Variants in CDH13 observed in about 807,000 individuals in gnomAD.
CDH13 encodes cadherin 13, also known as cadherin-13.
Under a neutral mutation model 63.8 loss-of-function variants are expected in CDH13, and 24 were observed. That is an observed-to-expected ratio of 0.38 (90% CI 0.27 to 0.53). The LOEUF is 0.53. Ranked by LOEUF, CDH13 falls within the 20% of genes least tolerant of loss-of-function variation. The probability of loss-of-function intolerance (pLI) is 0.85; values close to 1 mark genes in which losing one functional copy is unlikely to be tolerated. For synonymous variants in CDH13, 503 were observed against 355.3 expected (o/e 1.42, Z -4.67); for missense variants, 1,049 against 903.1 (o/e 1.16, Z -2.07).
At chr16:82,868,565 C>G (rs1567615489) in intron 2 of CDH13, among the ~76,000 whole-genome samples, 2 of 152,150 alleles carry the variant, frequency 1.3e-5, no homozygotes, top group African/African-American at 4.8e-5. Flanking sequence ...CAAGAAGTAA[C>G]AGAGTGAGAA....
intron 6 of CDH13, among the ~76,000 whole-genome samples, chr16:83,371,249 G>T (rs1402553082): frequency 1.3e-5 from 2 of 152,096 alleles, no homozygotes; most frequent in South Asian, 4.1e-4. Flanking sequence ...ATTTTCTGTT[G>T]ACTGCCCCAT....
intron 2 of CDH13, among the ~76,000 whole-genome samples, chr16:82,941,117 G>C (rs1034128650): frequency 5.9e-5 from 9 of 152,232 alleles, no homozygotes; most frequent in East Asian, 1.9e-4. Flanking sequence ...AAAGTGATCA[G>C]GAAGCTCTGA....
chr16:82,717,069 A>C (rs1186536034), intron 1 of CDH13, among the ~76,000 whole-genome samples: 2 of 152,076 alleles, frequency 1.3e-5, no homozygotes, highest in Non-Finnish European at 2.9e-5. Flanking sequence ...AGTTAGTCAC[A>C]CTTGGCTGCT....
At chr16:83,090,530 C>T (rs994311813) in intron 3 of CDH13, among the ~76,000 whole-genome samples, 3 of 147,702 alleles carry the variant, frequency 2.0e-5, no homozygotes, top group Non-Finnish European at 4.4e-5. Flanking sequence ...GTCGAGATCG[C>T]GTCATTGCAC....
chr16:82,806,491 TTTTTG>T (rs551257515), intron 1 of CDH13, among the ~76,000 whole-genome samples: 108 of 152,334 alleles, frequency 7.1e-4, no homozygotes, highest in African/African-American at 2.4e-3. Context: ...AGCTCTCTGT[TTTTTG>T]TTTTGTTTTG....
At chr16:83,188,683 A>G (rs2038602977) in intron 4 of CDH13, among the ~76,000 whole-genome samples, 1 of 152,230 alleles carries the variant, frequency 6.6e-6, no homozygotes, top group Non-Finnish European at 1.5e-5. Context: ...TTGTATCAGC[A>G]TGAATATTAT....
intron 7 of CDH13, among the ~76,000 whole-genome samples, chr16:83,512,321 A>AAAATAAATAAATAAATAAAT (rs200161148): frequency 3.2e-5 from 4 of 126,888 alleles, no homozygotes; most frequent in South Asian, 2.8e-4. Flanking sequence ...ACTCCGTCTC[A>AAAATAAATAAATAAATAAAT]AAATAAATAA....
At chr16:83,243,510 G>A (rs1904684895) in intron 5 of CDH13, among the ~76,000 whole-genome samples, 2 of 152,092 alleles carry the variant, frequency 1.3e-5, no homozygotes, top group African/African-American at 4.8e-5. Context: ...GTAATTGTGG[G>A]AGCTACATTT....
chr16:83,604,973 C>T (rs9934609), intron 8 of CDH13, among the ~76,000 whole-genome samples: 73,818 of 152,036 alleles, frequency 0.49, 20,592 homozygotes, highest in African/African-American at 0.78. Context: ...AACATGGACT[C>T]TAAAGGTTAG....
intron 1 of CDH13, among the ~76,000 whole-genome samples, chr16:82,814,288 T>C (rs185930665): frequency 2.9e-4 from 44 of 152,250 alleles, no homozygotes; most frequent in Admixed American, 2.8e-3. Context: ...GAGCATCTTT[T>C]GCTCTAATGA....
At chr16:83,753,395 T>G (rs1307034500) in intron 11 of CDH13, among the ~76,000 whole-genome samples, 3 of 152,028 alleles carry the variant, frequency 2.0e-5, no homozygotes, top group Non-Finnish European at 2.9e-5. Context: ...AATACAAAAA[T>G]TAGTCATGCA....
At chr16:83,723,588 C>G (rs925317288) in intron 10 of CDH13, among the ~76,000 whole-genome samples, 7 of 152,182 alleles carry the variant, frequency 4.6e-5, no homozygotes, top group African/African-American at 1.7e-4. Flanking sequence ...CTAAAGAAGC[C>G]CTCCTCAACT....
At chr16:83,278,256 C>G (rs17685278) in intron 5 of CDH13, among the ~76,000 whole-genome samples, 6,674 of 152,254 alleles carry the variant, frequency 0.044, 199 homozygotes, top group South Asian at 0.11. Context: ...ACTCCTTTAT[C>G]TCTCATTCCC....
chr16:83,497,930 G>A (rs2074186124), intron 7 of CDH13, among the ~76,000 whole-genome samples: 1 of 152,220 alleles, frequency 6.6e-6, no homozygotes, highest in Non-Finnish European at 1.5e-5. Context: ...CTAATCATGG[G>A]TGATGGGTCT....
At chr16:82,660,919 A>C (rs756487706) in intron 1 of CDH13, among the ~76,000 whole-genome samples, 6 of 151,502 alleles carry the variant, frequency 4.0e-5, no homozygotes, top group Non-Finnish European at 8.9e-5. Flanking sequence ...TTTAACATTC[A>C]TTAAGTTTCT....
intron 2 of CDH13, among the ~76,000 whole-genome samples, chr16:82,963,847 T>C (rs2151349136): frequency 6.6e-6 from 1 of 152,246 alleles, no homozygotes; most frequent in East Asian, 1.9e-4. Flanking sequence ...GCCCTCATAC[T>C]CATGATCCTA....
At chr16:83,357,658 G>A (rs773143319) in intron 6 of CDH13, among the ~76,000 whole-genome samples, 31 of 152,118 alleles carry the variant, frequency 2.0e-4, no homozygotes, top group Admixed American at 3.3e-4. Context: ...GTCAAGGACT[G>A]GTAAACATAC....
At chr16:83,586,393 T>A (rs1906159977) in intron 7 of CDH13, among the ~76,000 whole-genome samples, 2 of 152,230 alleles carry the variant, frequency 1.3e-5, no homozygotes, top group African/African-American at 4.8e-5. Flanking sequence ...CTCCGTTTAT[T>A]GTTATTTTTA....
At chr16:82,652,628 A>AGCT (rs35661989) in intron 1 of CDH13, among the ~76,000 whole-genome samples, 43,264 of 149,272 alleles carry the variant, frequency 0.29, 6,285 homozygotes, top group Middle Eastern at 0.39. Context: ...AGATATTGGA[A>AGCT]GCTGCTGCTG....
Sources: allele counts gnomAD v4.1 joint callset (sites outside exome capture counted in the v4.1 genomes callset), GRCh38; gene constraint gnomAD v4.1.1; transcripts MANE v1.5; gene names NCBI Gene and HGNC (gene_info 2026-07-23, HGNC 2026-07-21).